MCF2: variants seen among roughly 807,000 people sequenced by gnomAD.
The protein encoded by MCF2 is proto-oncogene DBL.
A neutral mutation model predicts 82.5 loss-of-function variants in MCF2; 44 were observed. The observed-to-expected ratio is 0.53, with a 90% CI of 0.42 to 0.69. The LOEUF is 0.69. MCF2 is among the 30% of genes least tolerant of loss of function. MCF2 has a pLI of 0.00. For synonymous variants in MCF2, 217 were observed against 224.9 expected (o/e 0.96, Z 0.32); for missense variants, 623 against 663.1 (o/e 0.94, Z 0.66).
exon 1 of MCF2, chrX:139,642,503 G>T (rs970576103): frequency 3.3e-6 from 4 of 1,211,016 alleles, no homozygotes; most frequent in Non-Finnish European, 4.5e-6. Context: ...CCTCTCCGGG[G>T]ATTTGCTTCT....
chrX:139,641,402 A>ATTTT (rs1291890185), intron 1 of MCF2, among the ~76,000 whole-genome samples: 1 of 110,718 alleles, frequency 9.0e-6, no homozygotes, highest in East Asian at 2.8e-4. Flanking sequence ...GTCAAAATAA[A>ATTTT]GCCAACTATA....
At position 139,664,901 on chromosome X, in the gene MCF2, C is replaced by T. The variant is rs185695632; in HGVS notation, c.-44-13113G>A. 2.7e-5 allele frequency among the ~76,000 whole-genome samples: 3 copies of T among 111,393 alleles called. No homozygotes were observed. In the East Asian group the frequency reaches 8.6e-4, roughly 32 times the overall value. On this transcript the variant is annotated intron_variant, in intron 1 of 27. Coordinates refer to the MCF2 transcript ENST00000414978. Reference sequence around the variant, plus strand: ...TTAGTCAGCAAGTGATGGATCCTACCTGGATAGGCTTTTCCCCTTCAAGGC... The same window carrying T: ...TTAGTCAGCAAGTGATGGATCCTACTTGGATAGGCTTTTCCCCTTCAAGGC...
intron 6 of MCF2, among the ~76,000 whole-genome samples, chrX:139,620,468 A>G (rs932460968): frequency 3.6e-5 from 4 of 111,331 alleles, no homozygotes; most frequent in Non-Finnish European, 7.6e-5. Context: ...AGAAAACACT[A>G]AAGACTACCA....
At chrX:139,598,295 T>C in intron 17 of MCF2, 111 bp downstream of exon 21, 1 of 486,456 alleles carries the variant, frequency 2.1e-6, no homozygotes. Flanking sequence ...GCCTTCCCAG[T>C]CATTGAGCCT....
intron 19 of MCF2, among the ~76,000 whole-genome samples, chrX:139,592,434 C>A (rs1045389206): frequency 4.9e-4 from 54 of 111,284 alleles, no homozygotes; most frequent in African/African-American, 1.4e-3. Flanking sequence ...ATCATTGTAA[C>A]AAATTAAAGG....
chrX:139,670,775 G>A (rs763276341), intron 1 of MCF2, among the ~76,000 whole-genome samples: 10 of 112,007 alleles, frequency 8.9e-5, no homozygotes, highest in Admixed American at 3.8e-4. Flanking sequence ...ATAAACATAC[G>A]TGTGCATGTG....
intron 22 of MCF2, 145 bp from the exon 27 acceptor site, chrX:139,586,632 C>A (rs1928993372): frequency 4.7e-6 from 2 of 423,956 alleles, no homozygotes; most frequent in African/African-American, 5.0e-5. Flanking sequence ...CTATTTAAAT[C>A]TGTGTGGCAA....
chrX:139,633,986 A>G (rs1332143411), intron 1 of MCF2, among the ~76,000 whole-genome samples: 2 of 111,568 alleles, frequency 1.8e-5, no homozygotes, highest in African/African-American at 3.3e-5. Context: ...GAATAGTACA[A>G]CCTTCACTGA....
At chrX:139,597,931 G>A (rs1231817705) in intron 17 of MCF2, among the ~76,000 whole-genome samples, 3 of 111,248 alleles carry the variant, frequency 2.7e-5, no homozygotes, top group Non-Finnish European at 5.7e-5. Flanking sequence ...CACTCATAAT[G>A]CATATAGCAT....
At chrX:139,671,906 G>C (rs1934708801) in intron 1 of MCF2, among the ~76,000 whole-genome samples, 1 of 111,656 alleles carries the variant, frequency 9.0e-6, no homozygotes, top group Non-Finnish European at 1.9e-5. Context: ...ACCTTGGGCA[G>C]TATGGCCATT....
chrX:139,694,866 A>C (rs1935349872), intron 1 of MCF2, among the ~76,000 whole-genome samples: 1 of 109,581 alleles, frequency 9.1e-6, no homozygotes, highest in Non-Finnish European at 1.9e-5. Flanking sequence ...ATGGATTGTT[A>C]AGCATATCAG....
At chrX:139,691,916 T>C in intron 1 of MCF2, 1 of 1,165,228 alleles carries the variant, frequency 8.6e-7, no homozygotes, top group Non-Finnish European at 1.1e-6. Context: ...GGGACTTACC[T>C]GCCACGAAGA....
At chrX:139,640,563 T>C (rs1412314222) in intron 1 of MCF2, among the ~76,000 whole-genome samples, 2 of 111,351 alleles carry the variant, frequency 1.8e-5, no homozygotes, top group Non-Finnish European at 3.8e-5. Flanking sequence ...TCATTGAAAT[T>C]TCTACCAAGT....
At chrX:139,655,587 T>G (rs930519388) in intron 1 of MCF2, among the ~76,000 whole-genome samples, 1 of 111,462 alleles carries the variant, frequency 9.0e-6, no homozygotes, top group Non-Finnish European at 1.9e-5. Flanking sequence ...TTGTTACATA[T>G]GTATACATGT....
intron 1 of MCF2, among the ~76,000 whole-genome samples, chrX:139,652,910 G>A (rs1019533871): frequency 9.0e-6 from 1 of 110,544 alleles, no homozygotes; most frequent in Non-Finnish European, 1.9e-5. Context: ...TTCCACAATA[G>A]ACAGTGGAAT....
intron 6 of MCF2, among the ~76,000 whole-genome samples, chrX:139,620,494 T>G (rs1603289539): frequency 9.0e-6 from 1 of 111,513 alleles, no homozygotes; most frequent in African/African-American, 3.2e-5. Context: ...CTCCTAGAAT[T>G]GATAAACAAC....
chrX:139,698,781 A>G (rs1284601667), intron 1 of MCF2, among the ~76,000 whole-genome samples: 4 of 112,339 alleles, frequency 3.6e-5, no homozygotes, highest in Admixed American at 9.5e-5. Context: ...TTTAGTTCAT[A>G]TAAGGACAAA....
intron 1 of MCF2, among the ~76,000 whole-genome samples, chrX:139,694,939 A>G (rs749460793): frequency 1.8e-5 from 2 of 109,089 alleles, no homozygotes; most frequent in African/African-American, 3.3e-5. Context: ...ATCAATGCCA[A>G]TATTCTGCTT....
At chrX:139,616,569 C>A in intron 8 of MCF2, 96 bp from the exon 12 acceptor site, 2 of 453,338 alleles carry the variant, frequency 4.4e-6, no homozygotes, top group Non-Finnish European at 7.0e-6. Flanking sequence ...CTCTGGCTTC[C>A]GTGAGTCAGA....
Sources: gnomAD v4.1 joint callset for allele counts (sites outside exome capture counted in the v4.1 genomes callset) on GRCh38, gnomAD v4.1.1 for gene constraint, MANE v1.5 for transcripts, NCBI Gene and HGNC (gene_info 2026-07-23, HGNC 2026-07-21) for gene names.